Variants in SNRK observed in about 807,000 individuals in gnomAD.
SNRK encodes SNF related kinase, also known as SNF-related serine/threonine-protein kinase.
A neutral mutation model predicts 48.2 loss-of-function variants in SNRK; 3 were observed. That is an observed-to-expected ratio of 0.06 (90% CI 0.03 to 0.16). The LOEUF (loss-of-function observed/expected upper bound fraction) is 0.16. Ranked by LOEUF, SNRK falls within the 10% of genes least tolerant of loss-of-function variation. SNRK has a pLI of 1.00. For synonymous variants in SNRK, 376 were observed against 366.1 expected (o/e 1.03, Z -0.31); for missense variants, 627 against 976.0 (o/e 0.64, Z 4.76).
chr3:43,297,980 G>A (rs993914675), intron 1 of SNRK, among the ~76,000 whole-genome samples: 11 of 151,986 alleles, frequency 7.2e-5, no homozygotes, highest in South Asian at 2.1e-4. Context: ...CTTGAAGTAG[G>A]GTCAGCAACT....
chr3:43,324,178 G>A (rs1362050685), intron 3 of SNRK, among the ~76,000 whole-genome samples: 1 of 152,202 alleles, frequency 6.6e-6, no homozygotes, highest in African/African-American at 2.4e-5. Flanking sequence ...CTATGGTGTT[G>A]GTGAGGATGG....
chr3:43,294,035 G>A (rs2090833827), intron 1 of SNRK, among the ~76,000 whole-genome samples: 1 of 152,170 alleles, frequency 6.6e-6, no homozygotes, highest in African/African-American at 2.4e-5. Context: ...TCAAAATATG[G>A]TAGCATACTG....
chr3:43,304,130 CTG>C lies in SNRK; in HGVS notation c.589+341_589+342del, dbSNP rs535692745. Among the ~76,000 whole-genome samples, 12 of 152,274 alleles carry C rather than the reference CTG, an allele frequency of 7.9e-5. No individual in the cohort carries two copies. In the East Asian group the frequency reaches 2.1e-3, roughly 27 times the overall value. ...GTGGCTCTCTTTAGCCATCTCCTCT[CTG>C]TGCATATCGTCTAACAATCATTGGA... On this transcript the variant is annotated intron_variant, in intron 3 of 6. Coordinates refer to ENST00000296088, the MANE Select transcript of SNRK (RefSeq NM_017719.5).
intron 3 of SNRK, among the ~76,000 whole-genome samples, chr3:43,327,638 A>T (rs2091106047): frequency 6.6e-6 from 1 of 152,178 alleles, no homozygotes; most frequent in Non-Finnish European, 1.5e-5. Context: ...ACTTTTTAGG[A>T]AACCTCTCAG....
intron 3 of SNRK, among the ~76,000 whole-genome samples, chr3:43,326,489 G>C (rs964745317): frequency 6.6e-6 from 1 of 152,130 alleles, no homozygotes; most frequent in African/African-American, 2.4e-5. Flanking sequence ...TGCTCAAGGA[G>C]CTCCAAGTAT....
chr3:43,287,882 A>C (rs1429587688), intron 1 of SNRK, among the ~76,000 whole-genome samples: 3 of 152,252 alleles, frequency 2.0e-5, no homozygotes, highest in African/African-American at 2.4e-5. Flanking sequence ...GATTTATAAA[A>C]TAATTCCCTT....
chr3:43,344,487 C>G (rs2091260621), intron 6 of SNRK, among the ~76,000 whole-genome samples: 1 of 151,974 alleles, frequency 6.6e-6, no homozygotes. Flanking sequence ...ATTAAGAAAG[C>G]CATTTCGATT....
At chr3:43,340,168 C>G in intron 4 of SNRK, 119 bp from the exon 5 acceptor site, 1 of 798,546 alleles carries the variant, frequency 1.3e-6, no homozygotes, top group East Asian at 2.5e-5. Flanking sequence ...CCCACTGCCA[C>G]CACTAGTGCA....
chr3:43,313,239 C>G (rs913996511), intron 3 of SNRK, among the ~76,000 whole-genome samples: 3 of 152,100 alleles, frequency 2.0e-5, no homozygotes, highest in Admixed American at 1.3e-4. Flanking sequence ...AAATGAATAC[C>G]TGTATTCACA....
At chr3:43,292,280 A>G (rs1172927815) in intron 1 of SNRK, among the ~76,000 whole-genome samples, 1 of 152,244 alleles carries the variant, frequency 6.6e-6, no homozygotes, top group Non-Finnish European at 1.5e-5. Flanking sequence ...CTTTGTAGTG[A>G]ACAATGAACT....
At chr3:43,292,767 G>T (rs907300268) in intron 1 of SNRK, among the ~76,000 whole-genome samples, 1 of 152,218 alleles carries the variant, frequency 6.6e-6, no homozygotes, top group African/African-American at 2.4e-5. Flanking sequence ...TCCTTGGTGA[G>T]CCTGCCATCT....
At position 43,347,272 on chromosome 3, in the gene SNRK, A is replaced by G. The variant is rs1385600010; in HGVS notation, c.1080-67A>G. 6.9e-7 allele frequency: 1 copy of G among 1,450,830 alleles called. No individual in the cohort carries two copies. Among genetic ancestry groups the G allele is most frequent in the Non-Finnish European group, 9.2e-7 (1 of 1,087,398 alleles). The allele number at this position is 1,450,830 out of a possible 1,614,324, so 89.9% of individuals were successfully genotyped here. The stretch of plus-strand genomic sequence containing the variant: ...ATTTTGTCCCAGTAAGTTCATTGTG[A>G]TGTACTTTACTATCATCTGCATAAT... On this transcript the variant is annotated intron_variant, in intron 6 of 6. Coordinates refer to ENST00000296088, the MANE Select transcript of SNRK (RefSeq NM_017719.5). This position sits in a 1 kb window ranked among gnomAD's most constrained non-coding sequence, Gnocchi z 5.4.
At chr3:43,290,382 T>C (rs1162714053) in intron 1 of SNRK, among the ~76,000 whole-genome samples, 1 of 152,234 alleles carries the variant, frequency 6.6e-6, no homozygotes, top group Admixed American at 6.5e-5. Context: ...ATCCTCTACT[T>C]TCTGCTAGCA....
chr3:43,309,475 A>G (rs1306511868), intron 3 of SNRK, among the ~76,000 whole-genome samples: 2 of 152,206 alleles, frequency 1.3e-5, no homozygotes, highest in East Asian at 3.8e-4. Flanking sequence ...GTCTTATTTT[A>G]AGAAATAGCC....
chr3:43,296,783 C>T (rs1284648127), intron 1 of SNRK, among the ~76,000 whole-genome samples: 1 of 152,040 alleles, frequency 6.6e-6, no homozygotes, highest in African/African-American at 2.4e-5. Flanking sequence ...GGGTGAATTC[C>T]AAATTGATAG....
chr3:43,348,252 A>G lies in SNRK; in HGVS notation c.1993A>G (p.Ile665Val). 1 of 1,614,070 alleles carries G rather than the reference A, an allele frequency of 6.2e-7. No individual in the cohort carries two copies. The highest frequency in any genetic ancestry group is 8.5e-7 in the Non-Finnish European group (1 of 1,179,974). ...GSQLHGSTKY[I>V]IDPQNGLSFS... ...CCAGCTTCATGGGAGCACCAAGTAC[A>G]TTATTGATCCACAGAATGGCTTGTC... The change falls in exon 7 of 7, where the codon ATT becomes GTT. Residue 665 changes from isoleucine (I) to valine (V), a missense_variant. Physicochemically the swap from Ile to Val is conservative, Grantham distance 29 (BLOSUM62 3). Around this residue, in one of 4 missense-constraint regions of SNRK, gnomAD observed 207 missense variants for 234.3 expected, o/e 0.88. Transcript: ENST00000296088.
chr3:43,330,736 A>G (rs1213016769), intron 3 of SNRK, among the ~76,000 whole-genome samples: 2 of 152,200 alleles, frequency 1.3e-5, no homozygotes, highest in Non-Finnish European at 2.9e-5. Context: ...TTGCTGTCCT[A>G]GGGCAGATAA....
At chr3:43,341,224 C>T (rs938566376) in intron 5 of SNRK, among the ~76,000 whole-genome samples, 6 of 151,868 alleles carry the variant, frequency 4.0e-5, no homozygotes, top group African/African-American at 1.5e-4. Flanking sequence ...AATCTTGGCT[C>T]ACTGCAAGCT....
At chr3:43,339,661 C>T (rs539932086) in intron 4 of SNRK, among the ~76,000 whole-genome samples, 1 of 151,034 alleles carries the variant, frequency 6.6e-6, no homozygotes, top group Admixed American at 6.6e-5. Flanking sequence ...ACCAAAAATA[C>T]AAAACTTAGC....
Sources: allele counts gnomAD v4.1 joint callset (sites outside exome capture counted in the v4.1 genomes callset), GRCh38; gene constraint gnomAD v4.1.1; regional missense constraint gnomAD v4.1.1; non-coding constraint Gnocchi (gnomAD v3.1); transcripts MANE v1.5; gene names NCBI Gene and HGNC (gene_info 2026-07-23, HGNC 2026-07-21).